The following NME7 variants were observed in gnomAD, a reference collection of about 807,000 sequenced individuals.
NME7 encodes the protein NME/NM23 family member 7.
Under a neutral mutation model 49.1 loss-of-function variants are expected in NME7, and 41 were observed. The ratio of observed to expected loss-of-function variants is 0.83; its 90% CI spans 0.65 to 1.08. The LOEUF is 1.08. Among genes scored for constraint, NME7 ranks in the 50% least tolerant of loss-of-function variants. The pLI is 0.00. For missense variants in NME7, 423 were observed against 463.4 expected (o/e 0.91, Z 0.80); for synonymous variants, 139 against 150.6 (o/e 0.92, Z 0.56).
intron 4 of NME7, among the ~76,000 whole-genome samples, chr1:169,308,801 TTTCACTAAATAACTTAGAAAATA>T (rs1393406478): frequency 6.6e-6 from 1 of 152,164 alleles, no homozygotes; most frequent in African/African-American, 2.4e-5. Flanking sequence ...TAAGTCTTAT[TTTCACTAAATAACTTAGAAAATA>T]TCTGGTCAAA....
At chr1:169,208,348 T>A (rs2101789064) in intron 10 of NME7, among the ~76,000 whole-genome samples, 1 of 152,246 alleles carries the variant, frequency 6.6e-6, no homozygotes, top group Non-Finnish European at 1.5e-5. Flanking sequence ...TCTGTAAATG[T>A]TTGGTTGGTT....
chr1:169,172,623 T>C lies in NME7; in HGVS notation c.991-3069A>G, dbSNP rs570865174. The stretch of plus-strand genomic sequence containing the variant: ...TGCCAATACGATCATGTTATTTACT[T>C]GCTCAAAAAATCTTTGAAGGCTCAT... On this transcript the variant is annotated intron_variant, in intron 10 of 11. Coordinates refer to ENST00000367811, the MANE Select transcript of NME7 (RefSeq NM_013330.5). Among the ~76,000 whole-genome samples, 11 of 152,316 alleles carry C rather than the reference T, an allele frequency of 7.2e-5. 1 individual carries two copies. In the South Asian group the frequency reaches 2.3e-3, roughly 32 times the overall value.
Position 169,287,572 on chromosome 1 carries a change from A to C in NME7, c.649-164T>G, listed in dbSNP as rs142475399. Among the ~76,000 whole-genome samples the C allele has an allele frequency of 4.6e-5, 7 of 152,334 alleles. No homozygotes were observed. In the East Asian group the frequency reaches 9.6e-4, roughly 21 times the overall value. ...TGAGTTTTACAAAGACACACTGATT[A>C]AATTAACCCTGTTTCAAGACTTAGA... On this transcript the variant is annotated intron_variant, in intron 6 of 11. Transcript: ENST00000367811.
At chr1:169,305,632 C>G (rs1651145775) in intron 4 of NME7, among the ~76,000 whole-genome samples, 2 of 152,182 alleles carry the variant, frequency 1.3e-5, no homozygotes, top group Admixed American at 1.3e-4. Context: ...TAAAGCCTCT[C>G]TTCAGTATAA....
At chr1:169,273,716 G>GT (rs1558016692) in intron 7 of NME7, among the ~76,000 whole-genome samples, 2 of 125,342 alleles carry the variant, frequency 1.6e-5, no homozygotes. Context: ...GCGGTGTTTG[G>GT]TTTTTTGTCC....
intron 7 of NME7, among the ~76,000 whole-genome samples, chr1:169,279,366 G>C (rs1438773462): frequency 6.6e-6 from 1 of 152,206 alleles, no homozygotes; most frequent in African/African-American, 2.4e-5. Flanking sequence ...AGGCTGCTTT[G>C]TTTACCTAAG....
intron 7 of NME7, among the ~76,000 whole-genome samples, chr1:169,242,440 A>G (rs978466266): frequency 9.9e-5 from 15 of 152,198 alleles, no homozygotes; most frequent in African/African-American, 3.6e-4. Context: ...CCATCTTCAT[A>G]AACAGCATCT....
At chr1:169,221,043 T>C (rs1031911213) in intron 10 of NME7, among the ~76,000 whole-genome samples, 3 of 152,220 alleles carry the variant, frequency 2.0e-5, no homozygotes, top group Non-Finnish European at 4.4e-5. Flanking sequence ...TTTATTCCAT[T>C]TCTACTCCGT....
chr1:169,190,793 TGTTTC>T, intron 10 of NME7: 3 of 134,012 alleles, frequency 2.2e-5, no homozygotes, highest in South Asian at 7.6e-5. Flanking sequence ...GCAAGTGAAC[TGTTTC>T]TTTTTTTTTT....
chr1:169,252,833 G>T (rs1430061034), intron 7 of NME7, among the ~76,000 whole-genome samples: 18 of 148,332 alleles, frequency 1.2e-4, no homozygotes, highest in South Asian at 2.2e-4. Flanking sequence ...TTTCCCCATT[G>T]CTTGTTTTTC....
At chr1:169,329,940 C>T (rs1652194094) in intron 1 of NME7, among the ~76,000 whole-genome samples, 1 of 152,072 alleles carries the variant, frequency 6.6e-6, no homozygotes, top group Non-Finnish European at 1.5e-5. Flanking sequence ...ATTCTAAAAG[C>T]AGCAAGAGTA....
At chr1:169,157,370 C>T (rs1002911446) in intron 11 of NME7, among the ~76,000 whole-genome samples, 8 of 152,212 alleles carry the variant, frequency 5.3e-5, no homozygotes, top group African/African-American at 1.9e-4. Context: ...AGTTGGTCCC[C>T]TGTACACCTC....
chr1:169,282,301 A>G (rs1203482352), intron 7 of NME7, among the ~76,000 whole-genome samples: 1 of 151,962 alleles, frequency 6.6e-6, no homozygotes, highest in Admixed American at 6.6e-5. Flanking sequence ...GATATCCTCT[A>G]TATCATTTTT....
intron 10 of NME7, among the ~76,000 whole-genome samples, chr1:169,216,582 A>G (rs1557992125): frequency 6.6e-6 from 1 of 152,256 alleles, no homozygotes; most frequent in Non-Finnish European, 1.5e-5. Context: ...TGCTCTAGCA[A>G]ATTAATCAAA....
intron 3 of NME7, among the ~76,000 whole-genome samples, chr1:169,315,130 T>A (rs559000739): frequency 3.9e-5 from 6 of 152,228 alleles, no homozygotes; most frequent in African/African-American, 1.4e-4. Flanking sequence ...ATTGATAGAA[T>A]AAGCTGCCCA....
chr1:169,229,986 A>G (rs953528019), intron 10 of NME7, among the ~76,000 whole-genome samples: 3 of 152,054 alleles, frequency 2.0e-5, no homozygotes, highest in African/African-American at 7.2e-5. Context: ...TAAAAATAAT[A>G]AACAATGCCC....
intron 7 of NME7, among the ~76,000 whole-genome samples, chr1:169,281,597 A>G (rs573402086): frequency 2.2e-3 from 336 of 152,234 alleles, no homozygotes; most frequent in Non-Finnish European, 3.5e-3. Flanking sequence ...GTTTGTCATA[A>G]ATCGCTCTTA....
At chr1:169,342,607 GTA>G (rs778561650) in intron 1 of NME7, among the ~76,000 whole-genome samples, 17 of 32,792 alleles carry the variant, frequency 5.2e-4, no homozygotes, top group African/African-American at 1.0e-3. Flanking sequence ...CATATATATA[GTA>G]TATATATATA....
At chr1:169,298,472 T>G in intron 6 of NME7, 84 bp downstream of exon 6, 1 of 1,371,766 alleles carries the variant, frequency 7.3e-7, no homozygotes, top group South Asian at 1.3e-5. Context: ...CCACCCTAAG[T>G]CACCAGTGAT....
Sources: gnomAD v4.1 joint callset for allele counts (sites outside exome capture counted in the v4.1 genomes callset) on GRCh38, gnomAD v4.1.1 for gene constraint, MANE v1.5 for transcripts, NCBI Gene and HGNC (gene_info 2026-07-23, HGNC 2026-07-21) for gene names.